CNTNAP5: variants seen among roughly 807,000 people sequenced by gnomAD.
CNTNAP5 encodes contactin associated protein family member 5, also known as contactin-associated protein-like 5.
Under a neutral mutation model 150.2 loss-of-function variants are expected in CNTNAP5, and 72 were observed. The ratio of observed to expected loss-of-function variants is 0.48; its 90% CI spans 0.40 to 0.58. CNTNAP5 has a LOEUF of 0.58. Among genes scored for constraint, CNTNAP5 ranks in the 20% least tolerant of loss-of-function variants. The pLI is 0.00. For synonymous variants in CNTNAP5, 672 were observed against 619.8 expected (o/e 1.08, Z -1.25); for missense variants, 1,636 against 1,626.2 (o/e 1.01, Z -0.10).
chr2:124,495,722 A>C (rs1694127658), intron 7 of CNTNAP5, among the ~76,000 whole-genome samples: 1 of 152,216 alleles, frequency 6.6e-6, no homozygotes, highest in South Asian at 2.1e-4. Context: ...CCACTTGTTT[A>C]GTTTCACTTA....
intron 3 of CNTNAP5, among the ~76,000 whole-genome samples, chr2:124,338,467 T>G (rs902199180): frequency 1.3e-5 from 2 of 152,122 alleles, no homozygotes; most frequent in African/African-American, 4.8e-5. Flanking sequence ...AAGGGCCTTT[T>G]GTTATTTTAA....
At chr2:124,630,837 C>T (rs908602258) in intron 12 of CNTNAP5, among the ~76,000 whole-genome samples, 3 of 152,116 alleles carry the variant, frequency 2.0e-5, no homozygotes, top group Non-Finnish European at 2.9e-5. Context: ...ATCAACTCAA[C>T]CCAAAAGCTT....
chr2:124,389,685 G>C (rs1691060830), intron 3 of CNTNAP5, among the ~76,000 whole-genome samples: 2 of 152,138 alleles, frequency 1.3e-5, no homozygotes, highest in Admixed American at 1.3e-4. Flanking sequence ...TAATAATTTA[G>C]GCTGGGTGCA....
chr2:124,879,856 C>G (rs1272905608), intron 21 of CNTNAP5, among the ~76,000 whole-genome samples: 1 of 152,002 alleles, frequency 6.6e-6, no homozygotes, highest in African/African-American at 2.4e-5. Context: ...TCAATGTTGA[C>G]AAGGTAATGA....
intron 19 of CNTNAP5, among the ~76,000 whole-genome samples, chr2:124,854,634 G>A (rs1677311049): frequency 1.3e-5 from 2 of 152,224 alleles, no homozygotes; most frequent in Non-Finnish European, 2.9e-5. Flanking sequence ...TGGGGGAAGT[G>A]TTGATAACAT....
chr2:124,900,376 CTATG>C (rs1310595850), intron 21 of CNTNAP5, among the ~76,000 whole-genome samples: 1 of 151,356 alleles, frequency 6.6e-6, no homozygotes, highest in African/African-American at 2.5e-5. Context: ...TCCTCTCCAT[CTATG>C]TAAGAATCTG....
At chr2:124,749,517 AG>A (rs1332975107) in intron 14 of CNTNAP5, among the ~76,000 whole-genome samples, 3 of 151,792 alleles carry the variant, frequency 2.0e-5, no homozygotes, top group Non-Finnish European at 4.4e-5. Context: ...CTCTGCTTCC[AG>A]GGTTCAAGCG....
chr2:124,305,715 TTC>T (rs1688671933), intron 3 of CNTNAP5, among the ~76,000 whole-genome samples: 2 of 152,328 alleles, frequency 1.3e-5, no homozygotes, highest in South Asian at 4.1e-4. Context: ...TGCTCTTTCA[TTC>T]TCTCTTGCCT....
intron 17 of CNTNAP5, among the ~76,000 whole-genome samples, chr2:124,776,050 C>A (rs1269721337): frequency 6.6e-6 from 1 of 152,138 alleles, no homozygotes. Context: ...TGTAACTGAT[C>A]TTCTAAGGCT....
At chr2:124,420,744 TGA>T (rs1238332130) in intron 4 of CNTNAP5, among the ~76,000 whole-genome samples, 1 of 152,196 alleles carries the variant, frequency 6.6e-6, no homozygotes, top group Non-Finnish European at 1.5e-5. Context: ...AGATCCTTCC[TGA>T]GAGTTTCCAG....
chr2:124,149,597 A>G (rs1684354474), intron 1 of CNTNAP5, among the ~76,000 whole-genome samples: 1 of 152,218 alleles, frequency 6.6e-6, no homozygotes, highest in Admixed American at 6.5e-5. Flanking sequence ...TTTTCTTCAA[A>G]CAGAAGGGAA....
chr2:124,550,944 A>G (rs773657818), intron 10 of CNTNAP5, among the ~76,000 whole-genome samples: 9 of 152,146 alleles, frequency 5.9e-5, no homozygotes, highest in Non-Finnish European at 1.2e-4. Flanking sequence ...ATTAGTATGC[A>G]TGATGCTGAT....
intron 13 of CNTNAP5, among the ~76,000 whole-genome samples, chr2:124,704,959 C>A (rs895614705): frequency 6.6e-6 from 1 of 152,174 alleles, no homozygotes; most frequent in Non-Finnish European, 1.5e-5. Context: ...CATGGAGACA[C>A]TCCTATGTAG....
intron 12 of CNTNAP5, among the ~76,000 whole-genome samples, chr2:124,620,970 T>C (rs1486810997): frequency 6.6e-6 from 1 of 152,160 alleles, no homozygotes; most frequent in Non-Finnish European, 1.5e-5. Flanking sequence ...TTTACTTGTA[T>C]AGGCACCATG....
intron 12 of CNTNAP5, among the ~76,000 whole-genome samples, chr2:124,622,735 A>T (rs1381350521): frequency 6.6e-6 from 1 of 152,168 alleles, no homozygotes; most frequent in Non-Finnish European, 1.5e-5. Flanking sequence ...ACACACACTC[A>T]CACATGCACA....
intron 3 of CNTNAP5, among the ~76,000 whole-genome samples, chr2:124,258,649 T>A (rs1687374359): frequency 6.6e-6 from 1 of 152,078 alleles, no homozygotes; most frequent in Non-Finnish European, 1.5e-5. Flanking sequence ...GCATATGCAA[T>A]CCTCTAGGGA....
chr2:124,291,512 A>G (rs917443099), intron 3 of CNTNAP5, among the ~76,000 whole-genome samples: 2 of 151,970 alleles, frequency 1.3e-5, no homozygotes, highest in African/African-American at 4.8e-5. Context: ...TCTGTACACC[A>G]GAGAGAGCCA....
intron 13 of CNTNAP5, among the ~76,000 whole-genome samples, chr2:124,720,700 C>T (rs1056701757): frequency 1.3e-5 from 2 of 152,168 alleles, no homozygotes; most frequent in African/African-American, 4.8e-5. Context: ...AAAACCACAA[C>T]ACTCAGAAAT....
chr2:124,647,010 T>C (rs1678216229), intron 12 of CNTNAP5, among the ~76,000 whole-genome samples: 1 of 152,132 alleles, frequency 6.6e-6, no homozygotes, highest in African/African-American at 2.4e-5. Flanking sequence ...AGGAAGTGAT[T>C]TATCCAAGCT....
Sources: allele counts gnomAD v4.1 joint callset (sites outside exome capture counted in the v4.1 genomes callset), GRCh38; gene constraint gnomAD v4.1.1; transcripts MANE v1.5; gene names NCBI Gene and HGNC (gene_info 2026-07-23, HGNC 2026-07-21).